Variants in B3GAT2 observed in about 807,000 individuals in gnomAD.
B3GAT2 encodes galactosylgalactosylxylosylprotein 3-beta-glucuronosyltransferase 2.
Under a neutral mutation model 27.8 loss-of-function variants are expected in B3GAT2, and 26 were observed. The ratio of observed to expected loss-of-function variants is 0.93; its 90% CI spans 0.68 to 1.30. B3GAT2 has a LOEUF of 1.30. Among genes scored for constraint, B3GAT2 ranks in the 50% most tolerant of loss-of-function variants. The pLI, the probability that B3GAT2 is intolerant of heterozygous loss-of-function variation, is 0.00. For synonymous variants in B3GAT2, 218 were observed against 195.1 expected (o/e 1.12, Z -0.98); for missense variants, 458 against 459.0 (o/e 1.00, Z 0.02).
At chr6:70,954,918 G>GGGC (rs1554218601) in intron 1 of B3GAT2, among the ~76,000 whole-genome samples, 2 of 151,550 alleles carry the variant, frequency 1.3e-5, no homozygotes, top group South Asian at 2.1e-4. Context: ...GGGGCGGCGG[G>GGGC]GGGGGGCGGT....
intron 1 of B3GAT2, among the ~76,000 whole-genome samples, chr6:70,927,148 G>A (rs1262387788): frequency 6.6e-6 from 1 of 152,114 alleles, no homozygotes; most frequent in Non-Finnish European, 1.5e-5. Context: ...TCACCACCAG[G>A]CCTGCCTTAC....
rs75286960 is a variant in B3GAT2 at position 70,906,182 on chromosome 6, G to A, written c.592-11910C>T. Among the ~76,000 whole-genome samples the A allele has an allele frequency of 8.7e-3, 1,327 of 152,098 alleles. 11 individuals carry two copies. The highest frequency in any genetic ancestry group is 0.014 in the Non-Finnish European group (977 of 68,006). On this transcript the variant is annotated intron_variant, in intron 1 of 3. Coordinates refer to ENST00000230053, the MANE Select transcript of B3GAT2 (RefSeq NM_080742.3). ...ACGATCTATCTCCTATTCTTCTCACGGAGAATGGGGGAAAAGAAGTCTCTA... is the reference window on the plus strand; with the variant it reads ...ACGATCTATCTCCTATTCTTCTCACAGAGAATGGGGGAAAAGAAGTCTCTA...
At chr6:70,903,288 T>C (rs577374055) in intron 1 of B3GAT2, among the ~76,000 whole-genome samples, 1 of 152,136 alleles carries the variant, frequency 6.6e-6, no homozygotes, top group South Asian at 2.1e-4. Flanking sequence ...GAGAAAATCT[T>C]TGAGGTCTTA....
chr6:70,931,511 C>T (rs1773062766), intron 1 of B3GAT2, among the ~76,000 whole-genome samples: 1 of 152,074 alleles, frequency 6.6e-6, no homozygotes, highest in African/African-American at 2.4e-5. Context: ...AAGAAGAACC[C>T]ATCAGGTGGT....
chr6:70,923,687 C>A lies in B3GAT2; in HGVS notation c.592-29415G>T, dbSNP rs183119350. Among the ~76,000 whole-genome samples the A allele has an allele frequency of 5.1e-3, 770 of 152,136 alleles. 9 individuals are homozygous for A. Among genetic ancestry groups the A allele is most frequent in the African/African-American group, 0.017 (724 of 41,504 alleles). Reference sequence around the variant, plus strand: ...TCAATCAATCAATCAATAATAAAACCCTGCTTAGAAACATCTCACAGGTAG... The same window carrying A: ...TCAATCAATCAATCAATAATAAAACACTGCTTAGAAACATCTCACAGGTAG... On this transcript the variant is annotated intron_variant, in intron 1 of 3. Transcript: ENST00000230053.
At chr6:70,867,541 A>G (rs981731112) in intron 2 of B3GAT2, among the ~76,000 whole-genome samples, 5 of 152,162 alleles carry the variant, frequency 3.3e-5, no homozygotes, top group African/African-American at 7.2e-5. Flanking sequence ...GCAACTTTTT[A>G]TGATAGTAAA....
chr6:70,935,851 G>T (rs1462801101), intron 1 of B3GAT2, among the ~76,000 whole-genome samples: 1 of 151,946 alleles, frequency 6.6e-6, no homozygotes, highest in Admixed American at 6.6e-5. Flanking sequence ...CAACTAACGA[G>T]CAAAATAACC....
intron 1 of B3GAT2, among the ~76,000 whole-genome samples, chr6:70,908,211 A>G (rs980726576): frequency 9.9e-5 from 15 of 152,202 alleles, no homozygotes; most frequent in African/African-American, 3.6e-4. Flanking sequence ...GAAGAGAGTC[A>G]GGGGCACCAA....
intron 3 of B3GAT2, 32 bp from the exon 4 acceptor site, chr6:70,861,781 A>G: frequency 1.2e-6 from 2 of 1,613,810 alleles, no homozygotes. Context: ...TGGGTAGCGC[A>G]CTCTTCATGG....
At chr6:70,936,551 G>A (rs1765283804) in intron 1 of B3GAT2, among the ~76,000 whole-genome samples, 1 of 152,028 alleles carries the variant, frequency 6.6e-6, no homozygotes, top group African/African-American at 2.4e-5. Flanking sequence ...ATAACAAACT[G>A]TCTCTCAGAC....
intron 1 of B3GAT2, among the ~76,000 whole-genome samples, chr6:70,955,445 C>T (rs1765638850): frequency 7.1e-6 from 1 of 140,052 alleles, no homozygotes; most frequent in Non-Finnish European, 1.6e-5. Context: ...CCACCCGCTA[C>T]GGTGCAGGTC....
intron 1 of B3GAT2, among the ~76,000 whole-genome samples, chr6:70,906,858 T>C (rs779772490): frequency 6.6e-5 from 10 of 151,724 alleles, no homozygotes; most frequent in Admixed American, 2.0e-4. Context: ...CACAGACACA[T>C]AGATAAAAGA....
chr6:70,883,570 G>C (rs112572380), intron 2 of B3GAT2, among the ~76,000 whole-genome samples: 1 of 152,068 alleles, frequency 6.6e-6, no homozygotes, highest in Non-Finnish European at 1.5e-5. Context: ...CTGAGGGGAG[G>C]GGCAAGTCAG....
Position 70,861,756 on chromosome 6 carries a change from G to A in B3GAT2, c.886-7C>T, listed in dbSNP as rs1352080601. On this transcript the variant is annotated splice_polypyrimidine_tract_variant and splice_region_variant and intron_variant, in intron 3 of 3. Transcript: ENST00000230053. Reference sequence around the variant, plus strand: ...GAGTGTGCCACACGAGAACCTGAAGGGGAAGGAAATAGCTTGGGTAGCGCA... The same window carrying A: ...GAGTGTGCCACACGAGAACCTGAAGAGGAAGGAAATAGCTTGGGTAGCGCA... 2 of 1,614,036 alleles carry A rather than the reference G, an allele frequency of 1.2e-6. No homozygotes were observed. The highest frequency in any genetic ancestry group is 2.2e-5 in the South Asian group (2 of 91,070).
intron 1 of B3GAT2, among the ~76,000 whole-genome samples, chr6:70,951,403 A>T (rs1192282346): frequency 1.3e-5 from 2 of 152,176 alleles, no homozygotes. Flanking sequence ...AGCCACCCAC[A>T]ATGGTTTCCA....
chr6:70,873,968 A>G (rs1402820479), intron 2 of B3GAT2, among the ~76,000 whole-genome samples: 1 of 152,014 alleles, frequency 6.6e-6, no homozygotes, highest in Non-Finnish European at 1.5e-5. Flanking sequence ...TTCTTTAGCT[A>G]TTTAGACATG....
intron 1 of B3GAT2, among the ~76,000 whole-genome samples, chr6:70,906,678 CCT>C (rs1245181199): frequency 6.6e-6 from 1 of 152,166 alleles, no homozygotes; most frequent in Non-Finnish European, 1.5e-5. Context: ...CCTACTTTTT[CCT>C]CATGCAAGGA....
intron 2 of B3GAT2, among the ~76,000 whole-genome samples, chr6:70,865,136 T>C (rs1771828864): frequency 1.3e-5 from 2 of 152,132 alleles, no homozygotes; most frequent in African/African-American, 4.8e-5. Flanking sequence ...ATAGGGCTTT[T>C]TTGTTTTTGG....
intron 1 of B3GAT2, among the ~76,000 whole-genome samples, chr6:70,912,617 G>A (rs979433631): frequency 4.6e-5 from 7 of 151,216 alleles, no homozygotes; most frequent in African/African-American, 7.3e-5. Context: ...CCCAGTTTTC[G>A]TTATCAGGAT....
Sources: gnomAD v4.1 joint callset for allele counts (sites outside exome capture counted in the v4.1 genomes callset) on GRCh38, gnomAD v4.1.1 for gene constraint, MANE v1.5 for transcripts, NCBI Gene and HGNC (gene_info 2026-07-23, HGNC 2026-07-21) for gene names.